ZNF506: variants seen among roughly 807,000 people sequenced by gnomAD.
ZNF506 encodes zinc finger protein 506.
Under a neutral mutation model 11.6 loss-of-function variants are expected in ZNF506, and 10 were observed. That is an observed-to-expected ratio of 0.86 (90% CI 0.53 to 1.46). ZNF506 has a LOEUF of 1.46. Ranked by LOEUF, ZNF506 falls within the 40% of genes most tolerant of loss-of-function variation. The probability of loss-of-function intolerance (pLI) is 0.00; values close to 1 mark genes in which losing one functional copy is unlikely to be tolerated. For synonymous variants in ZNF506, 156 were observed against 173.3 expected (o/e 0.90, Z 0.78); for missense variants, 425 against 521.2 (o/e 0.82, Z 1.80).
chr19:19,819,330 C>T (rs2145210988), intron 1 of ZNF506, among the ~76,000 whole-genome samples: 1 of 151,436 alleles, frequency 6.6e-6, no homozygotes, highest in East Asian at 1.9e-4. Context: ...GAAATGGAAG[C>T]TAGGTTGGGT....
chr19:19,795,940 T>C, intron 3 of ZNF506: 1 of 393,414 alleles, frequency 2.5e-6, no homozygotes, highest in Middle Eastern at 3.9e-4. Flanking sequence ...GTCTGTTACT[T>C]ATACCCAACA....
chr19:19,818,232 T>C (rs2062947817), intron 1 of ZNF506, among the ~76,000 whole-genome samples: 2 of 152,246 alleles, frequency 1.3e-5, no homozygotes, highest in Admixed American at 1.3e-4. Context: ...AGTAAAAAAT[T>C]AGTCATATGG....
At position 19,797,906 on chromosome 19, in the gene ZNF506, C is replaced by A. The variant is rs185899214; in HGVS notation, c.227-2246G>T. ...GAATAGTACCATCACCAAAATTGTA[C>A]TACCAAATAAAAAGAAGTCCTTCCA... On this transcript the variant is annotated intron_variant, in intron 3 of 3. Transcript: ENST00000540806. 1.3e-3 allele frequency: 193 copies of A among 152,268 alleles called. 1 individual carries two copies. The highest frequency in any genetic ancestry group is 4.6e-3 in the African/African-American group (190 of 41,576). 9.4% of individuals were successfully genotyped at this position (152,268 alleles called of 1,614,324 possible).
chr19:19,797,077 A>ACTGTT (rs2062748155), intron 3 of ZNF506: 1 of 152,256 alleles, frequency 6.6e-6, no homozygotes, highest in Non-Finnish European at 1.5e-5. Context: ...ATATTAGGGC[A>ACTGTT]ACATGGCCCC....
chr19:19,808,025 C>T (rs1388737664), intron 1 of ZNF506, among the ~76,000 whole-genome samples: 1 of 144,216 alleles, frequency 6.9e-6, no homozygotes, highest in African/African-American at 2.6e-5. Flanking sequence ...ACATCAGCTG[C>T]ATAAAGATAC....
At chr19:19,801,643 T>A (rs1432514162) in intron 3 of ZNF506, among the ~76,000 whole-genome samples, 1 of 151,292 alleles carries the variant, frequency 6.6e-6, no homozygotes, top group Non-Finnish European at 1.5e-5. Flanking sequence ...ATACACAAAT[T>A]AGCCGGCTGT....
chr19:19,802,970 G>A (rs964975324), intron 3 of ZNF506, among the ~76,000 whole-genome samples: 3 of 152,200 alleles, frequency 2.0e-5, no homozygotes, highest in Non-Finnish European at 4.4e-5. Context: ...AGGATTTTGA[G>A]ACCAGTCTGC....
rs1012383453 is a variant in ZNF506, at chr19:19,794,966, A to G, written c.921T>C (p.His307=). ...CACATTTGTAGGGTTTCTCTCCAGT[A>G]TGAATTATCTCATGTTTAGTAAGGG... The part of the protein sequence containing the change: ...SSTLTKHEII[H]TGEKPYKCEE... The change falls in exon 4 of 4, where the codon CAT becomes CAC. Residue 307 remains histidine, a synonymous_variant. Coordinates refer to ENST00000540806, the MANE Select transcript of ZNF506 (RefSeq NM_001099269.3). 1.9e-6 allele frequency: 3 copies of G among 1,613,782 alleles called. No homozygotes were observed. The highest frequency in any genetic ancestry group is 2.7e-5 in the African/African-American group (2 of 74,952).
Position 19,794,780 on chromosome 19 carries a change from G to C in ZNF506, c.1107C>G (p.Tyr369Ter), listed in dbSNP as rs1473141668. The change falls in exon 4 of 4, where the codon TAC (tyrosine) becomes TAG (stop). Residue 369 changes from tyrosine to a stop codon, truncating the protein, a stop_gained. Coordinates refer to ENST00000540806, the MANE Select transcript of ZNF506 (RefSeq NM_001099269.3). LOFTEE classifies it low-confidence loss of function (END_TRUNC). ...HKRAHTGEKP[Y>*]KCEECGKAFT... ...AGGCTTTGCCACATTCTTCACACTT[G>C]TAGGGTTTCTCTCCAGTATGAGCTC... is the stretch of plus-strand genomic sequence containing the variant. The C allele has an allele frequency of 6.2e-7, 1 of 1,613,854 alleles. No homozygotes were observed. The highest frequency in any genetic ancestry group is 8.5e-7 in the Non-Finnish European group (1 of 1,179,972).
intron 3 of ZNF506, chr19:19,799,494 A>C (rs774534223): frequency 1.2e-4 from 75 of 647,786 alleles, no homozygotes; most frequent in Admixed American, 2.8e-5. Context: ...TTTTAAACTA[A>C]AATTTCATAG....
intron 3 of ZNF506, chr19:19,798,081 G>GCA (rs889586492): frequency 1.3e-5 from 2 of 151,982 alleles, no homozygotes; most frequent in Non-Finnish European, 2.9e-5. Context: ...GAAAAGATAG[G>GCA]CACATTCATA....
intron 2 of ZNF506, chr19:19,806,465 C>A: frequency 5.3e-6 from 1 of 189,312 alleles, no homozygotes; most frequent in East Asian, 1.7e-4. Context: ...CCATGTTGGT[C>A]AGGCTGGTCT....
chr19:19,807,935 A>C (rs1248042956), intron 1 of ZNF506, among the ~76,000 whole-genome samples: 1 of 152,116 alleles, frequency 6.6e-6, no homozygotes, highest in Non-Finnish European at 1.5e-5. Flanking sequence ...CTATAAACAA[A>C]GAGCCCTCAT....
chr19:19,812,739 G>C (rs563861326), intron 1 of ZNF506, among the ~76,000 whole-genome samples: 21 of 152,316 alleles, frequency 1.4e-4, no homozygotes, highest in Admixed American at 1.1e-3. Flanking sequence ...TGGTGTTACA[G>C]TAAGTGGAGT....
At position 19,794,742 on chromosome 19, in the gene ZNF506, G is replaced by A; in HGVS notation, c.1145C>T (p.Ser382Leu). 6.2e-7 allele frequency: 1 copy of A among 1,613,842 alleles called. No individual in the cohort carries two copies. ...EECGKAFTAF[S>L]TLTEHKIIHT... is the part of the protein sequence containing the mutation. Reference sequence around the variant, plus strand: ...AATTATCTTATGTTCAGTTAGAGTTGAGAATGCAGTAAAGGCTTTGCCACA... The same window carrying A: ...AATTATCTTATGTTCAGTTAGAGTTAAGAATGCAGTAAAGGCTTTGCCACA... The change falls in exon 4 of 4, where the codon TCA (serine) becomes TTA (leucine). Residue 382 changes from serine to leucine, a missense_variant. Ser to Leu is a moderately radical substitution (Grantham distance 145). Coordinates refer to ENST00000540806, the MANE Select transcript of ZNF506 (RefSeq NM_001099269.3).
intron 3 of ZNF506, among the ~76,000 whole-genome samples, chr19:19,803,477 G>T (rs1156257339): frequency 6.6e-6 from 1 of 152,224 alleles, no homozygotes. Flanking sequence ...CCCACCATAT[G>T]CAGAACCGTG....
intron 3 of ZNF506, chr19:19,796,461 T>C (rs1055140924): frequency 6.6e-6 from 1 of 152,188 alleles, no homozygotes; most frequent in African/African-American, 2.4e-5. Flanking sequence ...TGGAGTGCAG[T>C]GGCGCAATCT....
At chr19:19,801,917 AGGCC>A (rs2062797161) in intron 3 of ZNF506, among the ~76,000 whole-genome samples, 1 of 112,990 alleles carries the variant, frequency 8.9e-6, no homozygotes, top group South Asian at 2.4e-4. Context: ...AAACATTGTT[AGGCC>A]AGCCAGGCGC....
intron 3 of ZNF506, chr19:19,798,404 T>C (rs2062760449): frequency 6.6e-6 from 1 of 151,968 alleles, no homozygotes; most frequent in African/African-American, 2.4e-5. Flanking sequence ...ATCCCAGCAC[T>C]TTGGGAGGCC....
Sources: gnomAD v4.1 joint callset for allele counts (sites outside exome capture counted in the v4.1 genomes callset) on GRCh38, gnomAD v4.1.1 for gene constraint, MANE v1.5 for transcripts, NCBI Gene and HGNC (gene_info 2026-07-23, HGNC 2026-07-21) for gene names.